SLC39A13: variants seen among roughly 807,000 people sequenced by gnomAD.
The protein encoded by SLC39A13 is solute carrier family 39 member 13.
SLC39A13 carries 18 observed loss-of-function variants against 38.7 expected under a neutral mutation model. That is an observed-to-expected ratio of 0.47 (90% confidence interval 0.32 to 0.69). The LOEUF (loss-of-function observed/expected upper bound fraction) is 0.69. Ranked by LOEUF, SLC39A13 falls within the 30% of genes least tolerant of loss-of-function variation. The pLI is 0.03. For missense variants in SLC39A13, 395 were observed against 490.7 expected (o/e 0.80, Z 1.84); for synonymous variants, 212 against 219.1 (o/e 0.97, Z 0.29).
Position 47,415,160 on chromosome 11 carries a change from G to A in SLC39A13, c.1040+1G>A. The A allele has an allele frequency of 6.2e-7, 1 of 1,611,774 alleles. No homozygotes were observed. The highest frequency in any genetic ancestry group is 1.1e-5 in the South Asian group (1 of 90,796). ...ACCTCTTGGAAGAAGAGGACCCGTG[G>A]TGAGTGACCTGTTGGAGGAAGAGGA... On this transcript the variant is annotated splice_donor_variant, in intron 9 of 9. Transcript: ENST00000362021. LOFTEE classifies it high-confidence loss of function.
At chr11:47,412,232 A>G in intron 3 of SLC39A13, 114 bp from the exon 4 acceptor site, 2 of 1,449,872 alleles carry the variant, frequency 1.4e-6, no homozygotes, top group South Asian at 1.2e-5. Flanking sequence ...CAGCTGCCCA[A>G]CCCACCCTTG....
Position 47,413,632 on chromosome 11 carries a change from C to T in SLC39A13, c.681C>T (p.Ile227=), listed in dbSNP as rs768663803. 7.6e-5 allele frequency: 122 copies of T among 1,614,234 alleles called. No homozygotes were observed. The South Asian group carries it at 1.2e-3, about 16-fold the overall frequency. The change falls in exon 6 of 10, where the codon ATC becomes ATT. Residue 227 remains isoleucine, a synonymous_variant. Transcript: ENST00000362021. The part of the protein sequence containing the change: ...SGYLNLLANT[I]DNFTHGLAVA... ...ACCTCAACCTGCTGGCCAACACCATCGATAACTTCACCCACGGGCTGGCTG... is the reference window on the plus strand; with the variant it reads ...ACCTCAACCTGCTGGCCAACACCATTGATAACTTCACCCACGGGCTGGCTG...
intron 6 of SLC39A13, 90 bp from the exon 7 acceptor site, chr11:47,414,335 A>G (rs983213813): frequency 1.0e-5 from 15 of 1,458,920 alleles, no homozygotes; most frequent in Non-Finnish European, 1.2e-5. Flanking sequence ...GAGCCAGCTC[A>G]GAGCAGAGTA....
Position 47,414,204 on chromosome 11 carries a change from C to T in SLC39A13, c.736-221C>T, listed in dbSNP as rs1018244087. ...ACTCTATCCATCCTTTCCTTCCCAG[C>T]GCCTGTGAGTGTGTGAGTGAGTCCT... On this transcript the variant is annotated intron_variant, in intron 6 of 9. Coordinates refer to ENST00000362021, the MANE Select transcript of SLC39A13 (RefSeq NM_001128225.3). 9.6e-6 allele frequency: 6 copies of T among 622,016 alleles called. No individual in the cohort carries two copies. In the East Asian group the frequency reaches 1.1e-4, roughly 11 times the overall value. 38.5% of individuals were successfully genotyped at this position (622,016 alleles called of 1,614,324 possible).
chr11:47,415,425 A>G lies in SLC39A13; in HGVS notation c.*62A>G. ...ATAAGATGCTCGGATTCACTCTGTG[A>G]CCGCATATGTGAGAGGCAGAGAGGG... is the stretch of plus-strand genomic sequence containing the variant. On this transcript the variant is annotated 3_prime_UTR_variant, in exon 10 of 10. Transcript: ENST00000362021. The G allele has an allele frequency of 6.3e-7, 1 of 1,579,856 alleles. No individual in the cohort carries two copies. Among genetic ancestry groups the G allele is most frequent in the Non-Finnish European group, 8.7e-7 (1 of 1,151,256 alleles).
At chr11:47,410,709 ATGT>A (rs1201438456) in intron 2 of SLC39A13, among the ~76,000 whole-genome samples, 1 of 152,140 alleles carries the variant, frequency 6.6e-6, no homozygotes, top group Admixed American at 6.5e-5. Context: ...CACAAATAAC[ATGT>A]TGTAACAAAA....
rs762230040 is a variant in SLC39A13, at chr11:47,413,490, G to A, written c.628G>A (p.Val210Met). The A allele has an allele frequency of 3.7e-6, 6 of 1,613,946 alleles. No individual in the cohort carries two copies. The highest frequency in any genetic ancestry group is 1.6e-4 in the Middle Eastern group (1 of 6,084). ...GGCTGCAGAGCCCGGCCTCGGTGCCGTGGTCCGGAGCATCAAAGTGAGTGG... is the reference window on the plus strand; with the variant it reads ...GGCTGCAGAGCCCGGCCTCGGTGCCATGGTCCGGAGCATCAAAGTGAGTGG... The part of the protein sequence containing the change: ...QPAAEPGLGA[V>M]VRSIKVSGYL... Residue 210 changes from valine (V) to methionine (M), a missense_variant, in exon 5 of 10, where the codon GTG (valine) becomes ATG (methionine). Physicochemically the swap from Val to Met is conservative, Grantham distance 21. Transcript: ENST00000362021.
chr11:47,414,714 C>A, intron 7 of SLC39A13, 63 bp from the exon 8 acceptor site: 3 of 1,597,320 alleles, frequency 1.9e-6, no homozygotes, highest in Non-Finnish European at 2.5e-6. Context: ...GTATATCGTA[C>A]CTGAGCACTC....
intron 2 of SLC39A13, 44 bp downstream of exon 2, chr11:47,410,439 G>T: frequency 6.2e-7 from 1 of 1,608,394 alleles, no homozygotes; most frequent in South Asian, 1.1e-5. Flanking sequence ...CAGGGTGTGG[G>T]AAGCATGCTG....
intron 6 of SLC39A13, 182 bp downstream of exon 6, chr11:47,413,868 C>T (rs1181451811): frequency 1.3e-6 from 1 of 759,402 alleles, no homozygotes. Context: ...AGCCCCTGGT[C>T]TGTTCCTGTT....
upstream of SLC39A13, chr11:47,407,577 C>G (rs1471632431): frequency 1.3e-5 from 2 of 152,280 alleles, no homozygotes; most frequent in Middle Eastern, 6.3e-3. Context: ...CCTGTACTGG[C>G]TGATTTCCAG....
At position 47,410,339 on chromosome 11, in the gene SLC39A13, G is replaced by T; in HGVS notation, c.245G>T (p.Gly82Val). ...LLGSLMVGLSGVFPLLVIPLE... is the reference protein window; with the variant it reads ...LLGSLMVGLSVVFPLLVIPLE... ...GGTTCCCTCATGGTGGGGCTCAGTG[G>T]GGTCTTCCCGTTGCTTGTCATTCCC... The change falls in exon 2 of 10, where the codon GGG becomes GTG. Residue 82 changes from glycine (G) to valine (V), a missense_variant. Transcript: ENST00000362021. 5 of 1,614,140 alleles carry T rather than the reference G, an allele frequency of 3.1e-6. No individual in the cohort carries two copies. Among genetic ancestry groups the T allele is most frequent in the Non-Finnish European group, 4.2e-6 (5 of 1,180,000 alleles).
chr11:47,414,107 A>G, intron 6 of SLC39A13: 1 of 607,884 alleles, frequency 1.6e-6, no homozygotes, highest in South Asian at 2.0e-5. Context: ...GCCTCGACTT[A>G]CATGGACTCC....
At chr11:47,414,321 C>T in intron 6 of SLC39A13, 104 bp from the exon 7 acceptor site, 1 of 1,386,514 alleles carries the variant, frequency 7.2e-7, no homozygotes, top group South Asian at 1.2e-5. Context: ...ACAGTGCCCA[C>T]CCAGAGCCAG....
chr11:47,412,157 C>G (rs1434871621), intron 3 of SLC39A13, 118 bp downstream of exon 3: 4 of 1,315,022 alleles, frequency 3.0e-6, no homozygotes, highest in East Asian at 2.5e-5. Flanking sequence ...AGGAGCTTGC[C>G]TGGGAGGGAG....
intron 7 of SLC39A13, 54 bp from the exon 8 acceptor site, chr11:47,414,723 T>C: frequency 1.3e-6 from 2 of 1,599,598 alleles, no homozygotes; most frequent in Non-Finnish European, 1.7e-6. Flanking sequence ...ACCTGAGCAC[T>C]CAGGGCATCA....
In SLC39A13 at chr11:47,410,346, C is replaced by T. The variant is rs2095992017; in HGVS notation, c.252C>T (p.Phe84=). The stretch of plus-strand genomic sequence containing the variant: ...TCATGGTGGGGCTCAGTGGGGTCTT[C>T]CCGTTGCTTGTCATTCCCCTAGAGA... ...GSLMVGLSGV[F]PLLVIPLEMG... is the part of the protein sequence containing the mutation. The change falls in exon 2 of 10, where the codon TTC becomes TTT. Residue 84 remains phenylalanine, a synonymous_variant. Transcript: ENST00000362021. 1 of 1,614,088 alleles carries T rather than the reference C, an allele frequency of 6.2e-7. No homozygotes were observed. Among genetic ancestry groups the T allele is most frequent in the Non-Finnish European group, 8.5e-7 (1 of 1,179,986 alleles).
chr11:47,412,025 G>A lies in SLC39A13; in HGVS notation c.401G>A (p.Cys134Tyr), dbSNP rs1213880969. The change falls in exon 3 of 10, where the codon TGC becomes TAC. Residue 134 changes from cysteine (C) to tyrosine (Y), a missense_variant. Coordinates refer to ENST00000362021, the MANE Select transcript of SLC39A13 (RefSeq NM_001128225.3). ...HLLPEAWAYT[C>Y]SASPGGEGQS... is the part of the protein sequence containing the mutation. ...CTGCCCGAAGCCTGGGCCTACACGTGCAGCGCCAGCCCTGGTAAGTGAGGC... is the reference window on the plus strand; with the variant it reads ...CTGCCCGAAGCCTGGGCCTACACGTACAGCGCCAGCCCTGGTAAGTGAGGC... 1.2e-6 allele frequency: 2 copies of A among 1,610,876 alleles called. No homozygotes were observed. The highest frequency in any genetic ancestry group is 1.7e-4 in the Middle Eastern group (1 of 5,868).
chr11:47,410,712 T>C (rs2095994737), intron 2 of SLC39A13, among the ~76,000 whole-genome samples: 1 of 152,098 alleles, frequency 6.6e-6, no homozygotes, highest in African/African-American at 2.4e-5. Flanking sequence ...AAATAACATG[T>C]TGTAACAAAA....
Sources: allele counts gnomAD v4.1 joint callset (sites outside exome capture counted in the v4.1 genomes callset), GRCh38; gene constraint gnomAD v4.1.1; transcripts MANE v1.5; gene names NCBI Gene and HGNC (gene_info 2026-07-23, HGNC 2026-07-21).